CNTNAP2: variants seen among roughly 807,000 people sequenced by gnomAD.
The protein encoded by CNTNAP2 is contactin-associated protein-like 2.
A neutral mutation model predicts 155.2 loss-of-function variants in CNTNAP2; 98 were observed. The ratio of observed to expected loss-of-function variants is 0.63; its 90% CI spans 0.54 to 0.75. The LOEUF (loss-of-function observed/expected upper bound fraction) is 0.75, where lower values mean the gene tolerates loss of function less well. CNTNAP2 is among the 30% of genes least tolerant of loss of function. The pLI is 0.00. For missense variants in CNTNAP2, 1,727 were observed against 1,688.1 expected (o/e 1.02, Z -0.40); for synonymous variants, 651 against 631.2 (o/e 1.03, Z -0.47).
chr7:146,118,494 G>A (rs1283304862), intron 1 of CNTNAP2, among the ~76,000 whole-genome samples: 1 of 152,058 alleles, frequency 6.6e-6, no homozygotes, highest in Non-Finnish European at 1.5e-5. Flanking sequence ...AGGTCTGGTT[G>A]TATAGAATTT....
At chr7:146,328,068 TG>T in intron 1 of CNTNAP2, among the ~76,000 whole-genome samples, 1 of 152,294 alleles carries the variant, frequency 6.6e-6, no homozygotes, top group Non-Finnish European at 1.5e-5. Flanking sequence ...GTTAGGGACG[TG>T]GCTGCTCAGC....
At chr7:147,297,303 A>G (rs1448069483) in intron 8 of CNTNAP2, among the ~76,000 whole-genome samples, 1 of 143,610 alleles carries the variant, frequency 7.0e-6, no homozygotes, top group East Asian at 2.3e-4. Flanking sequence ...ACTATGTACC[A>G]GACATGGTTT....
chr7:147,291,479 G>C (rs1292597401), intron 8 of CNTNAP2, among the ~76,000 whole-genome samples: 1 of 152,062 alleles, frequency 6.6e-6, no homozygotes, highest in Non-Finnish European at 1.5e-5. Context: ...GCTGTTGCTT[G>C]TATCACTAGT....
At chr7:147,837,084 A>G (rs749646261) in intron 13 of CNTNAP2, among the ~76,000 whole-genome samples, 3 of 152,162 alleles carry the variant, frequency 2.0e-5, no homozygotes, top group Non-Finnish European at 4.4e-5. Flanking sequence ...CATTTATATA[A>G]TCAATAAGCA....
chr7:147,338,640 A>C (rs1795704629), intron 9 of CNTNAP2, among the ~76,000 whole-genome samples: 1 of 152,148 alleles, frequency 6.6e-6, no homozygotes, highest in Admixed American at 6.6e-5. Context: ...TTTAAACTGA[A>C]AACGTTACAG....
chr7:148,398,215 G>A (rs62508375), intron 22 of CNTNAP2, among the ~76,000 whole-genome samples: 39,079 of 151,926 alleles, frequency 0.26, 5,576 homozygotes, highest in Non-Finnish European at 0.33. Context: ...ACTCCACCAT[G>A]TTCTCAGCAA....
At chr7:147,371,326 T>A (rs546303483) in intron 9 of CNTNAP2, among the ~76,000 whole-genome samples, 1 of 152,200 alleles carries the variant, frequency 6.6e-6, no homozygotes, top group Non-Finnish European at 1.5e-5. Flanking sequence ...AAACCCCATT[T>A]ATTTTCTAAG....
intron 15 of CNTNAP2, among the ~76,000 whole-genome samples, chr7:148,037,156 C>T (rs1802586356): frequency 1.3e-5 from 2 of 152,142 alleles, no homozygotes; most frequent in Admixed American, 1.3e-4. Context: ...AGATAGATGG[C>T]ATAGCACTCA....
intron 21 of CNTNAP2, among the ~76,000 whole-genome samples, chr7:148,367,762 C>T (rs535454772): frequency 6.6e-6 from 1 of 152,256 alleles, no homozygotes; most frequent in South Asian, 2.1e-4. Flanking sequence ...AAGCTCTCAT[C>T]TGTTCTGAAA....
intron 1 of CNTNAP2, among the ~76,000 whole-genome samples, chr7:146,274,650 G>A (rs1211855327): frequency 6.6e-6 from 1 of 152,086 alleles, no homozygotes; most frequent in African/African-American, 2.4e-5. Context: ...AGCCACCCAG[G>A]AGAGGCAGGG....
chr7:147,511,085 A>G (rs1229756006), intron 11 of CNTNAP2, among the ~76,000 whole-genome samples: 1 of 150,976 alleles, frequency 6.6e-6, no homozygotes, highest in Non-Finnish European at 1.5e-5. Flanking sequence ...GGTCTGATTC[A>G]TATATATATG....
chr7:147,088,046 C>T (rs1800318661), intron 4 of CNTNAP2, among the ~76,000 whole-genome samples: 2 of 152,178 alleles, frequency 1.3e-5, no homozygotes, highest in South Asian at 2.1e-4. Flanking sequence ...TGCAACAGAA[C>T]TGTTTAAAAC....
At chr7:147,387,474 A>G (rs1272001272) in intron 9 of CNTNAP2, among the ~76,000 whole-genome samples, 22 of 152,152 alleles carry the variant, frequency 1.4e-4, no homozygotes, top group Non-Finnish European at 5.9e-5. Context: ...CCCAGTATCA[A>G]TTGGTCCTGT....
intron 21 of CNTNAP2, among the ~76,000 whole-genome samples, chr7:148,343,258 T>C (rs1232505865): frequency 8.5e-5 from 13 of 152,338 alleles, no homozygotes; most frequent in Non-Finnish European, 2.9e-5. Context: ...AAACTCTATT[T>C]GTCCTCCAAT....
chr7:146,460,269 T>A (rs138831239), intron 1 of CNTNAP2, among the ~76,000 whole-genome samples: 2 of 152,212 alleles, frequency 1.3e-5, no homozygotes, highest in Non-Finnish European at 2.9e-5. Flanking sequence ...GATTATTAAT[T>A]CTTATTAAGT....
intron 13 of CNTNAP2, among the ~76,000 whole-genome samples, chr7:147,761,377 A>G (rs1229124045): frequency 1.3e-5 from 2 of 152,160 alleles, no homozygotes; most frequent in Admixed American, 1.3e-4. Context: ...CTCCAAGCAC[A>G]TGCCTGTGCT....
At chr7:148,075,406 C>T (rs947404144) in intron 15 of CNTNAP2, among the ~76,000 whole-genome samples, 19 of 151,526 alleles carry the variant, frequency 1.3e-4, no homozygotes, top group African/African-American at 4.1e-4. Context: ...CACTGCACTC[C>T]AGCCTGGGTG....
intron 16 of CNTNAP2, among the ~76,000 whole-genome samples, chr7:148,118,856 C>T (rs1025950712): frequency 6.6e-6 from 1 of 152,128 alleles, no homozygotes; most frequent in African/African-American, 2.4e-5. Context: ...GATACAGAGA[C>T]AATAAGAGGC....
chr7:146,651,124 T>G (rs2129163624), intron 1 of CNTNAP2, among the ~76,000 whole-genome samples: 1 of 152,218 alleles, frequency 6.6e-6, no homozygotes, highest in Non-Finnish European at 1.5e-5. Flanking sequence ...TAAACCCTCT[T>G]AACTCATTCT....
Sources: allele counts gnomAD v4.1 joint callset (sites outside exome capture counted in the v4.1 genomes callset), GRCh38; gene constraint gnomAD v4.1.1; transcripts MANE v1.5; gene names NCBI Gene and HGNC (gene_info 2026-07-23, HGNC 2026-07-21).